Variants in LRFN5 observed in about 807,000 individuals in gnomAD.
The protein encoded by LRFN5 is leucine rich repeat and fibronectin type III domain containing 5.
A neutral mutation model predicts 45.6 loss-of-function variants in LRFN5; 24 were observed. That is an observed-to-expected ratio of 0.53 (90% CI 0.38 to 0.74). The LOEUF is 0.74. Ranked by LOEUF, LRFN5 falls within the 30% of genes least tolerant of loss-of-function variation. The pLI, the probability that LRFN5 is intolerant of heterozygous loss-of-function variation, is 0.00. For synonymous variants in LRFN5, 340 were observed against 313.8 expected, an observed-to-expected ratio of 1.08 and a Z score of -0.88; for missense variants, 776 against 861.5, an observed-to-expected ratio of 0.90 and a Z score of 1.24.
intron 1 of LRFN5, among the ~76,000 whole-genome samples, chr14:41,759,448 TAC>T (rs569216156): frequency 0.06 from 6,554 of 109,554 alleles, 214 homozygotes; most frequent in Middle Eastern, 0.1. Flanking sequence ...TCTCTCTCTC[TAC>T]ACACACACAC....
At chr14:41,660,713 A>T (rs1880609765) in intron 1 of LRFN5, among the ~76,000 whole-genome samples, 1 of 151,920 alleles carries the variant, frequency 6.6e-6, no homozygotes, top group African/African-American at 2.4e-5. Flanking sequence ...ATTCCAACTC[A>T]GTTAAGTATT....
intron 2 of LRFN5, among the ~76,000 whole-genome samples, chr14:41,779,743 T>A (rs1886416359): frequency 6.6e-6 from 1 of 151,914 alleles, no homozygotes; most frequent in Non-Finnish European, 1.5e-5. Flanking sequence ...CAGTTTATCA[T>A]ATTGGTCGCC....
chr14:41,609,188 T>C (rs1855012730), intron 1 of LRFN5, among the ~76,000 whole-genome samples: 1 of 152,220 alleles, frequency 6.6e-6, no homozygotes, highest in South Asian at 2.1e-4. Context: ...CGTGCTTTTA[T>C]GTAGCAGAAT....
intron 1 of LRFN5, among the ~76,000 whole-genome samples, chr14:41,723,333 G>T (rs942413312): frequency 1.3e-5 from 2 of 152,050 alleles, no homozygotes; most frequent in Non-Finnish European, 2.9e-5. Context: ...GTAAAGTGGA[G>T]AGGGCCTCCC....
At chr14:41,650,117 G>A (rs1050149701) in intron 1 of LRFN5, among the ~76,000 whole-genome samples, 2 of 151,906 alleles carry the variant, frequency 1.3e-5, no homozygotes, top group African/African-American at 4.8e-5. Context: ...AACACAAGCC[G>A]AGCGTGGTGG....
At chr14:41,846,071 A>G (rs2139065028) in intron 2 of LRFN5, among the ~76,000 whole-genome samples, 1 of 152,286 alleles carries the variant, frequency 6.6e-6, no homozygotes, top group Non-Finnish European at 1.5e-5. Flanking sequence ...GTCTGGTTGC[A>G]TGGCGGTGAA....
intron 2 of LRFN5, among the ~76,000 whole-genome samples, chr14:41,827,900 A>G (rs1368071036): frequency 3.9e-5 from 6 of 152,038 alleles, no homozygotes; most frequent in Admixed American, 1.3e-4. Context: ...TGTAACATAC[A>G]TGATCTTCCT....
At chr14:41,762,622 AT>A (rs1318205245) in intron 1 of LRFN5, among the ~76,000 whole-genome samples, 1 of 151,988 alleles carries the variant, frequency 6.6e-6, no homozygotes, top group Non-Finnish European at 1.5e-5. Flanking sequence ...GTAATTTTCA[AT>A]TTTTTGCTTG....
intron 2 of LRFN5, among the ~76,000 whole-genome samples, chr14:41,876,454 TTTTTTTC>T (rs1480619832): frequency 2.7e-5 from 4 of 150,052 alleles, no homozygotes; most frequent in Non-Finnish European, 5.9e-5. Flanking sequence ...CTTTTTTTTT[TTTTTTTC>T]TTTTTCTTGT....
At chr14:41,721,311 G>A (rs1385175609) in intron 1 of LRFN5, among the ~76,000 whole-genome samples, 2 of 152,072 alleles carry the variant, frequency 1.3e-5, no homozygotes, top group African/African-American at 4.8e-5. Context: ...GATGAATCTT[G>A]CTTTTTAATC....
chr14:41,687,794 C>A (rs1328656216), intron 1 of LRFN5, among the ~76,000 whole-genome samples: 3 of 152,054 alleles, frequency 2.0e-5, no homozygotes, highest in African/African-American at 7.2e-5. Flanking sequence ...GAGAGGGGAA[C>A]AACACAGTCT....
chr14:41,837,270 A>G (rs1407870408), intron 2 of LRFN5, among the ~76,000 whole-genome samples: 1 of 148,958 alleles, frequency 6.7e-6, no homozygotes, highest in Non-Finnish European at 1.5e-5. Flanking sequence ...CAGTCAGGTT[A>G]GTGTTAGAGG....
At chr14:41,731,629 C>A (rs1227206198) in intron 1 of LRFN5, 1 of 152,078 alleles carries the variant, frequency 6.6e-6, no homozygotes, top group Non-Finnish European at 1.5e-5. Flanking sequence ...AAATTGTCAC[C>A]TATAGCCTGC....
intron 2 of LRFN5, among the ~76,000 whole-genome samples, chr14:41,835,496 A>G (rs922285113): frequency 6.6e-6 from 1 of 152,192 alleles, no homozygotes; most frequent in African/African-American, 2.4e-5. Context: ...GTAGGGTTAA[A>G]TGTAGTCAAG....
At chr14:41,697,840 A>C (rs1269640909) in intron 1 of LRFN5, among the ~76,000 whole-genome samples, 3 of 152,010 alleles carry the variant, frequency 2.0e-5, no homozygotes, top group Non-Finnish European at 4.4e-5. Context: ...TATTCATCCA[A>C]TTTTATTTTA....
Position 41,748,536 on chromosome 14 carries a change from T to C in LRFN5, c.-196-18318T>C, listed in dbSNP as rs538517897. Among the ~76,000 whole-genome samples the C allele has an allele frequency of 2.0e-5, 3 of 152,230 alleles. No individual in the cohort carries two copies. The East Asian group carries it at 5.8e-4, about 29-fold the overall frequency. ...TAGGGGATAATGGAGAGTTATTTTTTAATAGTTTTGCAAGATGAAAAGAGT... is the reference window on the plus strand; with the variant it reads ...TAGGGGATAATGGAGAGTTATTTTTCAATAGTTTTGCAAGATGAAAAGAGT... On this transcript the variant is annotated intron_variant, in intron 1 of 5. Transcript: ENST00000298119.
At chr14:41,888,289 A>T (rs992811840) in intron 3 of LRFN5, among the ~76,000 whole-genome samples, 12 of 152,150 alleles carry the variant, frequency 7.9e-5, no homozygotes, top group Non-Finnish European at 1.5e-4. Context: ...CTGATTTATT[A>T]TAAAAATTCA....
At chr14:41,666,370 G>A (rs193270130) in intron 1 of LRFN5, among the ~76,000 whole-genome samples, 63 of 152,026 alleles carry the variant, frequency 4.1e-4, no homozygotes, top group Non-Finnish European at 6.9e-4. Context: ...TTTCAGCAAC[G>A]GAAATGGATA....
intron 1 of LRFN5, among the ~76,000 whole-genome samples, chr14:41,757,759 C>T (rs972448055): frequency 6.6e-6 from 1 of 152,196 alleles, no homozygotes; most frequent in African/African-American, 2.4e-5. Context: ...GCTGCACCCA[C>T]TGTACTGCAC....
Sources: allele counts gnomAD v4.1 joint callset (sites outside exome capture counted in the v4.1 genomes callset), GRCh38; gene constraint gnomAD v4.1.1; transcripts MANE v1.5; gene names NCBI Gene and HGNC (gene_info 2026-07-23, HGNC 2026-07-21).